CEBPZ: variants seen among roughly 807,000 people sequenced by gnomAD.
The protein encoded by CEBPZ is CCAAT enhancer binding protein zeta.
A neutral mutation model predicts 104.5 loss-of-function variants in CEBPZ; 78 were observed. The ratio of observed to expected loss-of-function variants is 0.75; its 90% CI spans 0.62 to 0.90. The LOEUF (loss-of-function observed/expected upper bound fraction) is 0.90. Ranked by LOEUF, CEBPZ falls within the 40% of genes least tolerant of loss-of-function variation. The pLI, the probability that CEBPZ is intolerant of heterozygous loss-of-function variation, is 0.00. For missense variants in CEBPZ, 1,439 were observed against 1,233.5 expected, an observed-to-expected ratio of 1.17 and a Z score of -2.50; for synonymous variants, 470 against 427.0, an observed-to-expected ratio of 1.10 and a Z score of -1.24.
At chr2:37,225,248 A>C (rs1664856543) in intron 2 of CEBPZ, among the ~76,000 whole-genome samples, 2 of 152,214 alleles carry the variant, frequency 1.3e-5, no homozygotes, top group Admixed American at 1.3e-4. Flanking sequence ...CAGCAAGTGG[A>C]CCTGGACTTG....
intron 13 of CEBPZ, among the ~76,000 whole-genome samples, chr2:37,206,919 A>G (rs895174743): frequency 6.6e-6 from 1 of 152,258 alleles, no homozygotes; most frequent in South Asian, 2.1e-4. Context: ...CACGTAACAC[A>G]TAAGGACTCA....
chr2:37,217,160 G>T, intron 5 of CEBPZ, 123 bp from the exon 6 acceptor site: 1 of 708,740 alleles, frequency 1.4e-6, no homozygotes, highest in South Asian at 1.7e-5. Flanking sequence ...CACTTTGGGA[G>T]GCTCAGGCAG....
Position 37,211,955 on chromosome 2 carries a change from C to G in CEBPZ, c.2688G>C (p.Leu896=). Residue 896 remains leucine (L), a synonymous_variant, in exon 12 of 16, where the codon CTG becomes CTC. Coordinates refer to ENST00000234170, the MANE Select transcript of CEBPZ (RefSeq NM_005760.3). ...TTCCTAAAGAAACTTCATCGTCATC[C>G]AGGTTACCAAGTTCATCATCACTAC... The part of the protein sequence containing the change: ...SEGSDDELGN[L]DDDEVSLGSM... The G allele has an allele frequency of 6.2e-7, 1 of 1,613,714 alleles. No homozygotes were observed. The highest frequency in any genetic ancestry group is 2.2e-5 in the East Asian group (1 of 44,844).
At chr2:37,208,897 C>G (rs1170292198) in intron 13 of CEBPZ, 1 of 152,020 alleles carries the variant, frequency 6.6e-6, no homozygotes, top group Non-Finnish European at 1.5e-5. Context: ...ACCCTAAAGA[C>G]TCATCCAAAA....
At chr2:37,223,684 G>A (rs1664819944) in intron 2 of CEBPZ, among the ~76,000 whole-genome samples, 1 of 152,116 alleles carries the variant, frequency 6.6e-6, no homozygotes, top group African/African-American at 2.4e-5. Flanking sequence ...TATATCAACA[G>A]GGCACAGCCC....
Position 37,211,042 on chromosome 2 carries a change from C to T in CEBPZ, c.2841G>A (p.Lys947=), listed in dbSNP as rs768917155. The T allele has an allele frequency of 1.2e-6, 2 of 1,612,128 alleles. No homozygotes were observed. The highest frequency in any genetic ancestry group is 2.2e-5 in the South Asian group (2 of 90,760). ...VHSKVSTKKS[K]RKGTDDFDFA... is the part of the protein sequence containing the mutation. ...AGTCAAAATCATCTGTACCTTTTCT[C>T]TTGCTTTTCTTAGTACTGACTTTGG... The change falls in exon 13 of 16, where the codon AAG becomes AAA. Residue 947 remains lysine (K), a synonymous_variant. Transcript: ENST00000234170.
intron 13 of CEBPZ, 94 bp downstream of exon 13, chr2:37,210,905 A>T: frequency 2.7e-5 from 15 of 562,994 alleles, no homozygotes; most frequent in East Asian, 9.5e-5. Flanking sequence ...CCTGAATTTT[A>T]TTAATCAAAT....
intron 5 of CEBPZ, among the ~76,000 whole-genome samples, chr2:37,219,166 A>C (rs1021706007): frequency 3.3e-5 from 5 of 152,204 alleles, no homozygotes; most frequent in African/African-American, 1.2e-4. Context: ...CAAATACCTA[A>C]GCCTGAATAA....
chr2:37,216,922 T>C (rs904649682), intron 6 of CEBPZ, 62 bp downstream of exon 6: 111 of 1,329,168 alleles, frequency 8.4e-5, no homozygotes, highest in East Asian at 3.5e-4. Context: ...TGACCAATTA[T>C]TGATTATCTA....
intron 13 of CEBPZ, chr2:37,209,158 T>C (rs1309867087): frequency 1.3e-5 from 2 of 151,352 alleles, no homozygotes; most frequent in East Asian, 3.9e-4. Context: ...CACACACAAA[T>C]GGAAACGCAT....
chr2:37,231,562 G>C lies in CEBPZ; in HGVS notation c.6C>G (p.Ala2=), dbSNP rs747294672. The change falls in exon 1 of 16, where the codon GCC becomes GCG. Residue 2 remains alanine, a synonymous_variant. Coordinates refer to ENST00000234170, the MANE Select transcript of CEBPZ (RefSeq NM_005760.3). ...GGAACTCCAAAGGCTCCTTGACTGCGGCCATGGCGGGCAAAGCATACGCGC... is the reference window on the plus strand; with the variant it reads ...GGAACTCCAAAGGCTCCTTGACTGCCGCCATGGCGGGCAAAGCATACGCGC... M[A]AVKEPLEFHA... The C allele has an allele frequency of 6.2e-7, 1 of 1,614,194 alleles. No homozygotes were observed. The highest frequency in any genetic ancestry group is 1.1e-5 in the South Asian group (1 of 91,086).
In CEBPZ at chr2:37,223,544, A is replaced by T. The variant is rs75961455; in HGVS notation, c.1650-143T>A. On this transcript the variant is annotated intron_variant, in intron 2 of 15. Coordinates refer to ENST00000234170, the MANE Select transcript of CEBPZ (RefSeq NM_005760.3). Reference sequence around the variant, plus strand: ...TTAGAACAAGAGACCCTGCCCTAAGAGGTAAGATGGAAGTCAATGACCAGA... The same window carrying T: ...TTAGAACAAGAGACCCTGCCCTAAGTGGTAAGATGGAAGTCAATGACCAGA... 7.7e-5 allele frequency: 53 copies of T among 686,078 alleles called. No individual in the cohort carries two copies. The East Asian group carries it at 1.4e-3, about 18-fold the overall frequency. 42.5% of individuals were successfully genotyped at this position (686,078 alleles called of 1,614,324 possible).
chr2:37,205,690 G>A (rs1014486102), intron 13 of CEBPZ, among the ~76,000 whole-genome samples: 1 of 152,180 alleles, frequency 6.6e-6, no homozygotes, highest in Non-Finnish European at 1.5e-5. Context: ...TTAGTCATCA[G>A]TATTTAGCAG....
At chr2:37,219,765 A>G (rs1664723140) in intron 5 of CEBPZ, among the ~76,000 whole-genome samples, 1 of 152,226 alleles carries the variant, frequency 6.6e-6, no homozygotes, top group Non-Finnish European at 1.5e-5. Context: ...AAATTTTATC[A>G]TAAAACTTTT....
rs753955769 is a variant in CEBPZ at position 37,228,488 on chromosome 2, C to T, written c.705G>A (p.Met235Ile). The change falls in exon 2 of 16, where the codon ATG (methionine) becomes ATA (isoleucine). Residue 235 changes from methionine (M) to isoleucine (I), a missense_variant. Met to Ile is a conservative substitution (Grantham distance 10, BLOSUM62 1). Transcript: ENST00000234170. The stretch of plus-strand genomic sequence containing the variant: ...GTGTCCCCGATGACACAATTGCCTT[C>T]ATCCAGGTAGAAGAGGCTCCCTTTT... ...NSQKGASSTWMKAIVSSGTLG... is the reference protein window; with the variant it reads ...NSQKGASSTWIKAIVSSGTLG... The T allele has an allele frequency of 6.2e-7, 1 of 1,614,230 alleles. No homozygotes were observed. Among genetic ancestry groups the T allele is most frequent in the Admixed American group, 1.7e-5 (1 of 60,024 alleles).
In CEBPZ at chr2:37,211,948, C is replaced by T. The variant is rs192503385; in HGVS notation, c.2695G>A (p.Asp899Asn). 183 of 1,613,756 alleles carry T rather than the reference C, an allele frequency of 1.1e-4. 2 individuals carry two copies. The East Asian group carries it at 2.9e-3, about 25-fold the overall frequency. The part of the protein sequence containing the change: ...SDDELGNLDD[D>N]EVSLGSMDDE... ...TCCATACTTCCTAAAGAAACTTCAT[C>T]GTCATCCAGGTTACCAAGTTCATCA... Residue 899 changes from aspartate (D) to asparagine (N), a missense_variant, in exon 12 of 16, where the codon GAT becomes AAT. Physicochemically the swap from Asp to Asn is conservative, Grantham distance 23. Coordinates refer to ENST00000234170, the MANE Select transcript of CEBPZ (RefSeq NM_005760.3).
chr2:37,205,521 A>G (rs1457877037), intron 13 of CEBPZ, among the ~76,000 whole-genome samples: 8 of 151,934 alleles, frequency 5.3e-5, no homozygotes, highest in Admixed American at 5.2e-4. Flanking sequence ...CCCCACCCCT[A>G]TCTCCCTTCA....
intron 1 of CEBPZ, among the ~76,000 whole-genome samples, chr2:37,229,741 T>C (rs1296571741): frequency 6.6e-6 from 1 of 152,212 alleles, no homozygotes; most frequent in East Asian, 1.9e-4. Context: ...ATGGTCTCGC[T>C]CTGTTGTCCA....
intron 13 of CEBPZ, among the ~76,000 whole-genome samples, chr2:37,208,020 C>T (rs1384174264): frequency 6.6e-6 from 1 of 152,040 alleles, no homozygotes; most frequent in South Asian, 2.1e-4. Context: ...ACTATGAACA[C>T]CTTTATGCAC....
Sources: allele counts gnomAD v4.1 joint callset (sites outside exome capture counted in the v4.1 genomes callset), GRCh38; gene constraint gnomAD v4.1.1; transcripts MANE v1.5; gene names NCBI Gene and HGNC (gene_info 2026-07-23, HGNC 2026-07-21).